KCNB2: variants seen among roughly 807,000 people sequenced by gnomAD.
KCNB2 encodes potassium voltage-gated channel subfamily B member 2.
Under a neutral mutation model 61.5 loss-of-function variants are expected in KCNB2, and 15 were observed. That is an observed-to-expected ratio of 0.24 (90% CI 0.16 to 0.38). The LOEUF is 0.38. Among genes scored for constraint, KCNB2 ranks in the 10% least tolerant of loss-of-function variants. The pLI, the probability that KCNB2 is intolerant of heterozygous loss-of-function variation, is 1.00. For synonymous variants in KCNB2, 457 were observed against 446.0 expected, an observed-to-expected ratio of 1.02 and a Z score of -0.31; for missense variants, 828 against 1,125.2, an observed-to-expected ratio of 0.74 and a Z score of 3.78.
intron 2 of KCNB2, among the ~76,000 whole-genome samples, chr8:72,606,207 T>C (rs1239976171): frequency 6.6e-6 from 1 of 152,094 alleles, no homozygotes; most frequent in African/African-American, 2.4e-5. Flanking sequence ...AAATTCACAG[T>C]ATTAGGTGTA....
At chr8:72,734,814 A>G (rs1807811785) in intron 2 of KCNB2, among the ~76,000 whole-genome samples, 1 of 152,188 alleles carries the variant, frequency 6.6e-6, no homozygotes, top group Non-Finnish European at 1.5e-5. Flanking sequence ...ACAGCTTCAG[A>G]TAAAGGTCAG....
chr8:72,828,381 G>A (rs1377800552), intron 2 of KCNB2, among the ~76,000 whole-genome samples: 1 of 152,134 alleles, frequency 6.6e-6, no homozygotes, highest in Non-Finnish European at 1.5e-5. Context: ...ATGGGTTAAT[G>A]TTCATGCTAT....
intron 2 of KCNB2, among the ~76,000 whole-genome samples, chr8:72,638,768 G>A (rs1003180842): frequency 6.6e-6 from 1 of 152,064 alleles, no homozygotes; most frequent in Non-Finnish European, 1.5e-5. Context: ...ACTATATTGG[G>A]GAGGTTAGGT....
chr8:72,541,600 G>A (rs181760167), intron 1 of KCNB2, among the ~76,000 whole-genome samples: 1 of 152,192 alleles, frequency 6.6e-6, no homozygotes, highest in African/African-American at 2.4e-5. Flanking sequence ...CTCACCAAAG[G>A]ATGCCCTGCT....
chr8:72,747,221 C>T (rs1024518910), intron 2 of KCNB2, among the ~76,000 whole-genome samples: 6 of 152,102 alleles, frequency 3.9e-5, no homozygotes, highest in South Asian at 2.1e-4. Context: ...GCCAAAGGAA[C>T]GGGCAAGGCA....
chr8:72,758,756 T>C (rs1218712220), intron 2 of KCNB2, among the ~76,000 whole-genome samples: 1 of 152,214 alleles, frequency 6.6e-6, no homozygotes, highest in Non-Finnish European at 1.5e-5. Flanking sequence ...AATGCTTAAA[T>C]AGTGATTTAA....
At chr8:72,720,832 C>G (rs1305944671) in intron 2 of KCNB2, among the ~76,000 whole-genome samples, 1 of 152,218 alleles carries the variant, frequency 6.6e-6, no homozygotes, top group East Asian at 1.9e-4. Context: ...ACCCTAGATA[C>G]TATAAATTAT....
At chr8:72,552,705 T>A (rs1042497707) in intron 1 of KCNB2, among the ~76,000 whole-genome samples, 1 of 152,192 alleles carries the variant, frequency 6.6e-6, no homozygotes, top group Non-Finnish European at 1.5e-5. Context: ...TTGAAGGGAT[T>A]TGAATGAACT....
intron 2 of KCNB2, among the ~76,000 whole-genome samples, chr8:72,576,360 A>G (rs1806794157): frequency 6.6e-6 from 1 of 152,050 alleles, no homozygotes. Context: ...ACTTTACCCA[A>G]TTTGTTTCTT....
At chr8:72,651,359 G>T (rs73688734) in intron 2 of KCNB2, among the ~76,000 whole-genome samples, 4,189 of 152,212 alleles carry the variant, frequency 0.028, 206 homozygotes, top group African/African-American at 0.096. Context: ...AAGCAATTTT[G>T]TCTTGGGAAT....
chr8:72,763,623 C>G (rs1808420033), intron 2 of KCNB2, among the ~76,000 whole-genome samples: 1 of 152,128 alleles, frequency 6.6e-6, no homozygotes, highest in Non-Finnish European at 1.5e-5. Flanking sequence ...AATAATTTAG[C>G]ATGGACATTG....
In KCNB2 at chr8:72,838,026, T is replaced by C. The variant is rs891880357; in HGVS notation, c.580-97909T>C. Among the ~76,000 whole-genome samples the C allele has an allele frequency of 5.9e-5, 9 of 152,188 alleles. 1 individual carries two copies. Among genetic ancestry groups the C allele is most frequent in the African/African-American group, 2.2e-4 (9 of 41,440 alleles). ...TTAGGTTTTGTGCCATTAACATTAT[T>C]TTTAGGAAAGTACTCATCATTCATA... On this transcript the variant is annotated intron_variant, in intron 2 of 2. Coordinates refer to ENST00000523207, the MANE Select transcript of KCNB2 (RefSeq NM_004770.3).
At chr8:72,681,641 T>C (rs984651409) in intron 2 of KCNB2, among the ~76,000 whole-genome samples, 1 of 152,206 alleles carries the variant, frequency 6.6e-6, no homozygotes, top group Non-Finnish European at 1.5e-5. Flanking sequence ...AACAAATACA[T>C]AAACCGGTAA....
chr8:72,634,633 G>A (rs889777966), intron 2 of KCNB2, among the ~76,000 whole-genome samples: 4 of 152,138 alleles, frequency 2.6e-5, no homozygotes, highest in Non-Finnish European at 5.9e-5. Flanking sequence ...TAGGATTTAA[G>A]TATAACTTTA....
rs1806127922 is a variant in KCNB2 at position 72,537,433 on chromosome 8, C to T, written c.-546C>T. ...GGGCAGCCCCAGCGAGCGGCAACTC[C>T]CGGGCTGGCGCGGCTCGCTTTCTGG... On this transcript the variant is annotated 5_prime_UTR_variant, in exon 1 of 3. Coordinates refer to ENST00000523207, the MANE Select transcript of KCNB2 (RefSeq NM_004770.3). 6.5e-6 allele frequency: 1 copy of T among 152,728 alleles called. No homozygotes were observed. The highest frequency in any genetic ancestry group is 2.4e-5 in the African/African-American group (1 of 41,426). 9.5% of individuals were successfully genotyped at this position (152,728 alleles called of 1,614,324 possible).
intron 2 of KCNB2, among the ~76,000 whole-genome samples, chr8:72,598,806 A>G (rs939781693): frequency 1.3e-5 from 2 of 152,010 alleles, no homozygotes; most frequent in South Asian, 2.1e-4. Flanking sequence ...ATACACCAAT[A>G]AGAGACAGAG....
At chr8:72,636,322 A>G (rs1805965166) in intron 2 of KCNB2, among the ~76,000 whole-genome samples, 1 of 152,160 alleles carries the variant, frequency 6.6e-6, no homozygotes. Flanking sequence ...TATAGCAAAT[A>G]TGTTATCCTA....
chr8:72,907,181 A>G (rs1806193498), intron 2 of KCNB2, among the ~76,000 whole-genome samples: 1 of 152,086 alleles, frequency 6.6e-6, no homozygotes, highest in African/African-American at 2.4e-5. Flanking sequence ...ACATGGTGAA[A>G]CCCCGTCTCT....
intron 2 of KCNB2, among the ~76,000 whole-genome samples, chr8:72,700,747 A>C (rs767210130): frequency 1.6e-4 from 25 of 152,150 alleles, no homozygotes; most frequent in Non-Finnish European, 3.1e-4. Context: ...TATATCTAAA[A>C]GAAAAAAAAT....
Sources: gnomAD v4.1 joint callset for allele counts (sites outside exome capture counted in the v4.1 genomes callset) on GRCh38, gnomAD v4.1.1 for gene constraint, MANE v1.5 for transcripts, NCBI Gene and HGNC (gene_info 2026-07-23, HGNC 2026-07-21) for gene names.